Variants in AP3D1 observed in about 807,000 individuals in gnomAD.
AP3D1 encodes adaptor related protein complex 3 subunit delta 1.
AP3D1 carries 51 observed loss-of-function variants against 147.6 expected under a neutral mutation model. That is an observed-to-expected ratio of 0.35 (90% confidence interval 0.28 to 0.44). The LOEUF is 0.44. Ranked by LOEUF, AP3D1 falls within the 20% of genes least tolerant of loss-of-function variation. The probability of loss-of-function intolerance (pLI) is 1.00; values close to 1 mark genes in which losing one functional copy is unlikely to be tolerated. For missense variants in AP3D1, 1,421 were observed against 1,624.2 expected (o/e 0.87, Z 2.15); for synonymous variants, 760 against 663.0 (o/e 1.15, Z -2.25).
Position 2,129,374 on chromosome 19 carries a change from A to G in AP3D1, c.676T>C (p.Phe226Leu), listed in dbSNP as rs1243635033. ...KNYLSLAPLFFKLMTSSTNNW... is the reference protein window; with the variant it reads ...KNYLSLAPLFLKLMTSSTNNW... ...TTGGTGGAGGACGTCATCAGCTTGAAAAAGAGCGGGGCCAGGGACAGGTAG... is the reference window on the plus strand; with the variant it reads ...TTGGTGGAGGACGTCATCAGCTTGAGAAAGAGCGGGGCCAGGGACAGGTAG... The change falls in exon 7 of 32, where the codon TTC becomes CTC. Residue 226 changes from phenylalanine (F) to leucine (L), a missense_variant. Phe to Leu is a conservative substitution (Grantham distance 22, BLOSUM62 0). Around this residue, in one of 6 missense-constraint regions of AP3D1, gnomAD observed 292 missense variants for 412.0 expected, o/e 0.71. Coordinates refer to ENST00000643116, the MANE Select transcript of AP3D1 (RefSeq NM_001261826.3). 1 of 1,614,086 alleles carries G rather than the reference A, an allele frequency of 6.2e-7. No homozygotes were observed. Among genetic ancestry groups the G allele is most frequent in the South Asian group, 1.1e-5 (1 of 91,082 alleles).
At chr19:2,160,141 G>A (rs965856199) in intron 1 of AP3D1, among the ~76,000 whole-genome samples, 7 of 152,154 alleles carry the variant, frequency 4.6e-5, no homozygotes, top group Non-Finnish European at 8.8e-5. Context: ...GAGCCACCGT[G>A]CCCAGCCTTC....
intron 24 of AP3D1, chr19:2,112,099 G>T: frequency 1.9e-6 from 1 of 523,694 alleles, no homozygotes; most frequent in South Asian, 2.3e-5. Context: ...GGGCAAACCA[G>T]TGAGGACACC....
chr19:2,132,660 C>G lies in AP3D1; in HGVS notation c.355-82G>C, dbSNP rs949052575. The G allele has an allele frequency of 2.5e-6, 3 of 1,208,382 alleles. No individual in the cohort carries two copies. The South Asian group carries it at 3.8e-5, about 15-fold the overall frequency. 74.9% of individuals were successfully genotyped at this position (1,208,382 alleles called of 1,614,324 possible). On this transcript the variant is annotated intron_variant, in intron 4 of 31. Coordinates refer to ENST00000643116, the MANE Select transcript of AP3D1 (RefSeq NM_001261826.3). The stretch of plus-strand genomic sequence containing the variant: ...CCTGGGTCACCAGGAGCAGCAGGAG[C>G]GAAATTCTCCCAGGATGCCCCAGGA...
chr19:2,115,075 G>C, intron 20 of AP3D1, 144 bp downstream of exon 20: 1 of 906,672 alleles, frequency 1.1e-6, no homozygotes, highest in Non-Finnish European at 1.7e-6. Flanking sequence ...AGGACAGAGA[G>C]GCCTCTCCTC....
At chr19:2,145,256 G>A (rs1040412931) in intron 1 of AP3D1, among the ~76,000 whole-genome samples, 1 of 152,226 alleles carries the variant, frequency 6.6e-6, no homozygotes, top group Non-Finnish European at 1.5e-5. Context: ...AGTCACAGAT[G>A]AGCAGGAGCA....
rs892938253 is a variant in AP3D1, at chr19:2,121,459, T to C, written c.1102-148A>G. 4 of 1,158,128 alleles carry C rather than the reference T, an allele frequency of 3.5e-6. No individual in the cohort carries two copies. In the East Asian group the frequency reaches 9.5e-5, roughly 28 times the overall value. The allele number at this position is 1,158,128 out of a possible 1,614,324, so 71.7% of individuals were successfully genotyped here. ...CGATGCCAGGGAGGCAGCAGGCCCC[T>C]GCGATGTGGGCTGGGTTAGAGGCAC... On this transcript the variant is annotated intron_variant, in intron 12 of 31. Transcript: ENST00000643116.
intron 4 of AP3D1, among the ~76,000 whole-genome samples, chr19:2,135,643 C>G (rs1449690761): frequency 6.6e-6 from 1 of 152,198 alleles, no homozygotes; most frequent in South Asian, 2.1e-4. Context: ...CCAGGGCCCA[C>G]CTGCGTCCGA....
Position 2,115,240 on chromosome 19 carries a change from G to C in AP3D1, c.2328C>G (p.Ile776Met). 1 of 1,613,416 alleles carries C rather than the reference G, an allele frequency of 6.2e-7. No individual in the cohort carries two copies. The highest frequency in any genetic ancestry group is 1.1e-5 in the South Asian group (1 of 91,078). Reference protein sequence around the residue: ...EDIAPAQQVDIVTEEMPENAL... With the variant: ...EDIAPAQQVDMVTEEMPENAL... The stretch of plus-strand genomic sequence containing the variant: ...TGACCTCAGGCATCTCCTCTGTGAC[G>C]ATGTCCACCTGCTGGGCAGGGGCGA... The change falls in exon 20 of 32, where the codon ATC (isoleucine) becomes ATG (methionine). Residue 776 changes from isoleucine to methionine, a missense_variant. This residue lies in a region of AP3D1 where 791 missense variants were observed against 761.4 expected (regional missense o/e 1.04). Coordinates refer to ENST00000643116, the MANE Select transcript of AP3D1 (RefSeq NM_001261826.3).
chr19:2,152,907 G>C (rs151333633), upstream of AP3D1, among the ~76,000 whole-genome samples: 1 of 151,910 alleles, frequency 6.6e-6, no homozygotes, highest in Non-Finnish European at 1.5e-5. Context: ...AAAAACTGGG[G>C]TAAGATATTT....
chr19:2,113,164 C>T, intron 23 of AP3D1, 172 bp downstream of exon 23: 2 of 624,200 alleles, frequency 3.2e-6, no homozygotes, highest in African/African-American at 1.9e-5. Flanking sequence ...CCCTGCTTGG[C>T]CCACTGGGAC....
At position 2,118,591 on chromosome 19, in the gene AP3D1, TG is replaced by T. The variant is rs1274929763; in HGVS notation, c.1713+9del. On this transcript the variant is annotated intron_variant, in intron 15 of 31. Transcript: ENST00000643116. ...TGAGGCTCGGCCCAACACGGAGTGT[TG>T]GATCTTACCCGCTCCTGCACCTCCA... 1 of 1,603,638 alleles carries T rather than the reference TG, an allele frequency of 6.2e-7. No homozygotes were observed. The highest frequency in any genetic ancestry group is 8.5e-7 in the Non-Finnish European group (1 of 1,177,508).
chr19:2,107,162 C>T (rs2018133154), intron 31 of AP3D1, among the ~76,000 whole-genome samples: 1 of 151,232 alleles, frequency 6.6e-6, no homozygotes, highest in Non-Finnish European at 1.5e-5. Context: ...ACTGCGGAGG[C>T]TGAGGCAGAA....
At chr19:2,145,928 AC>A (rs2019344796) in intron 1 of AP3D1, among the ~76,000 whole-genome samples, 1 of 152,254 alleles carries the variant, frequency 6.6e-6, no homozygotes, top group East Asian at 1.9e-4. Flanking sequence ...AGGGCAGCTG[AC>A]ACTACAGCTG....
rs1599478387 is a variant in AP3D1, at chr19:2,132,387, A to G, written c.462+84T>C. On this transcript the variant is annotated intron_variant, in intron 5 of 31. Coordinates refer to ENST00000643116, the MANE Select transcript of AP3D1 (RefSeq NM_001261826.3). ...CGGGGACCCCGGCCGGTTTCCGCATAGCCAAGCTTCCCAGGCATGCCACTT... is the reference window on the plus strand; with the variant it reads ...CGGGGACCCCGGCCGGTTTCCGCATGGCCAAGCTTCCCAGGCATGCCACTT... The G allele has an allele frequency of 2.1e-5, 28 of 1,302,598 alleles. 1 individual carries two copies. The South Asian group carries it at 3.3e-4, about 15-fold the overall frequency. 80.7% of individuals were successfully genotyped at this position (1,302,598 alleles called of 1,614,324 possible). A position where few individuals can be genotyped will look rare whatever the true frequency, so the allele number is the denominator to read the frequency against.
At chr19:2,126,144 C>T (rs1006500300) in intron 9 of AP3D1, among the ~76,000 whole-genome samples, 4 of 152,230 alleles carry the variant, frequency 2.6e-5, no homozygotes, top group South Asian at 2.1e-4. Flanking sequence ...CTGGAACTCC[C>T]GGGCTCAAGT....
At chr19:2,114,666 GC>G in intron 21 of AP3D1, 81 bp downstream of exon 21, 1 of 950,714 alleles carries the variant, frequency 1.1e-6, no homozygotes. Context: ...GCAGAGCCCG[GC>G]CCCACCCGGA....
chr19:2,152,539 CT>C (rs1214412507), upstream of AP3D1, among the ~76,000 whole-genome samples: 1 of 143,672 alleles, frequency 7.0e-6, no homozygotes, highest in Non-Finnish European at 1.5e-5. Flanking sequence ...AAGACTCCGT[CT>C]AAAAAAAAAA....
chr19:2,119,306 C>T (rs1039008724), intron 14 of AP3D1, among the ~76,000 whole-genome samples: 3 of 152,188 alleles, frequency 2.0e-5, no homozygotes, highest in African/African-American at 7.2e-5. Flanking sequence ...CGCCTATAAT[C>T]CCAGCACTCT....
rs762659323 is a variant in AP3D1 at position 2,151,233 on chromosome 19, G to A, written c.96+6C>T. On this transcript the variant is annotated splice_donor_region_variant and intron_variant, in intron 1 of 31. Transcript: ENST00000643116. ...GCCGAGCAGCCCCTTGGCGCGCCGG[G>A]CTCACCTCGTCCTCCTTGTGGTTAC... The A allele has an allele frequency of 1.2e-6, 2 of 1,609,274 alleles. No homozygotes were observed. The highest frequency in any genetic ancestry group is 8.5e-7 in the Non-Finnish European group (1 of 1,177,714).
Sources: gnomAD v4.1 joint callset for allele counts (sites outside exome capture counted in the v4.1 genomes callset) on GRCh38, gnomAD v4.1.1 for gene constraint, gnomAD v4.1.1 regional missense constraint, MANE v1.5 for transcripts, NCBI Gene and HGNC (gene_info 2026-07-23, HGNC 2026-07-21) for gene names.